Variants in RBFOX1 observed in about 807,000 individuals in gnomAD.
RBFOX1 encodes RNA binding fox-1 homolog 1.
In RBFOX1, 8 loss-of-function variants were observed where a neutral mutation model predicts 57.7. The observed-to-expected ratio is 0.14, with a 90% confidence interval of 0.08 to 0.25. RBFOX1 has a LOEUF of 0.25. Ranked by LOEUF, RBFOX1 falls within the 10% of genes least tolerant of loss-of-function variation. The probability of loss-of-function intolerance (pLI) is 1.00; values close to 1 mark genes in which losing one functional copy is unlikely to be tolerated. For synonymous variants in RBFOX1, 326 were observed against 222.4 expected, an observed-to-expected ratio of 1.47 and a Z score of -4.15; for missense variants, 611 against 548.5, an observed-to-expected ratio of 1.11 and a Z score of -1.14.
chr16:6,352,814 A>G (rs2086644051), intron 2 of RBFOX1, among the ~76,000 whole-genome samples: 1 of 152,332 alleles, frequency 6.6e-6, no homozygotes, highest in South Asian at 2.1e-4. Context: ...TTTCCAGGCA[A>G]TCATGGTACA....
At chr16:7,228,154 G>A (rs904473084) in intron 4 of RBFOX1, among the ~76,000 whole-genome samples, 23 of 152,202 alleles carry the variant, frequency 1.5e-4, no homozygotes, top group African/African-American at 5.1e-4. Context: ...TGTAAGTTCC[G>A]CGAGAGCAGG....
At chr16:6,543,291 C>T (rs186738460) in intron 2 of RBFOX1, among the ~76,000 whole-genome samples, 56 of 152,188 alleles carry the variant, frequency 3.7e-4, no homozygotes, top group African/African-American at 1.3e-3. Flanking sequence ...GGAATTGGAA[C>T]AGTTGCCCCT....
At chr16:6,676,794 G>C (rs971180096) in intron 3 of RBFOX1, among the ~76,000 whole-genome samples, 9 of 149,852 alleles carry the variant, frequency 6.0e-5, no homozygotes, top group African/African-American at 2.0e-4. Flanking sequence ...TCCTGCCTCA[G>C]CCTCCCTAGT....
At chr16:6,596,951 T>C (rs1370498329) in intron 2 of RBFOX1, among the ~76,000 whole-genome samples, 1 of 152,186 alleles carries the variant, frequency 6.6e-6, no homozygotes, top group Non-Finnish European at 1.5e-5. Context: ...GCCCCTGGTT[T>C]CTGCCACTAG....
intron 3 of RBFOX1, among the ~76,000 whole-genome samples, chr16:6,691,271 T>C (rs1333727477): frequency 6.6e-6 from 1 of 152,134 alleles, no homozygotes; most frequent in East Asian, 1.9e-4. Flanking sequence ...AGCATCTCGA[T>C]GTGTGCGTGC....
At chr16:5,785,537 C>A (rs1439130196) in intron 3 of RBFOX1, among the ~76,000 whole-genome samples, 1 of 150,224 alleles carries the variant, frequency 6.7e-6, no homozygotes, top group Admixed American at 6.6e-5. Flanking sequence ...CTTTCTTTTT[C>A]TTTTTTTGAG....
At chr16:6,786,116 G>C (rs2081918529) in intron 3 of RBFOX1, among the ~76,000 whole-genome samples, 1 of 152,200 alleles carries the variant, frequency 6.6e-6, no homozygotes, top group African/African-American at 2.4e-5. Context: ...TTTGGCAAAA[G>C]TCTGCATGAC....
At chr16:6,889,793 T>A (rs1040989403) in intron 3 of RBFOX1, among the ~76,000 whole-genome samples, 2 of 152,200 alleles carry the variant, frequency 1.3e-5, no homozygotes, top group African/African-American at 2.4e-5. Flanking sequence ...TGGGTGAGAT[T>A]TTAGGAGTTC....
intron 1 of RBFOX1, among the ~76,000 whole-genome samples, chr16:5,352,702 G>T (rs560082194): frequency 6.6e-6 from 1 of 152,246 alleles, no homozygotes; most frequent in African/African-American, 2.4e-5. Context: ...CAGCACTTTG[G>T]GAGGCCAAGG....
At chr16:5,469,800 A>G (rs920316519) in intron 2 of RBFOX1, among the ~76,000 whole-genome samples, 4 of 152,124 alleles carry the variant, frequency 2.6e-5, no homozygotes, top group Non-Finnish European at 5.9e-5. Flanking sequence ...ATTCAGCACA[A>G]TGTTTTTGAG....
intron 3 of RBFOX1, among the ~76,000 whole-genome samples, chr16:7,012,706 G>C (rs971708333): frequency 2.0e-5 from 3 of 152,188 alleles, no homozygotes; most frequent in African/African-American, 7.2e-5. Context: ...GGAGGCCAGA[G>C]TGACTTGCTT....
At position 6,685,238 on chromosome 16, in the gene RBFOX1, C is replaced by T. The variant is rs201245373; in HGVS notation, c.-16+30588C>T. Among the ~76,000 whole-genome samples, 7 of 148,470 alleles carry T rather than the reference C, an allele frequency of 4.7e-5. No individual in the cohort carries two copies. In the East Asian group the frequency reaches 5.9e-4, roughly 13 times the overall value. ...TAATCATTACACTGGCAATAAATGACTTCACGTAAGTGTACTAAGAGAGGG... is the reference window on the plus strand; with the variant it reads ...TAATCATTACACTGGCAATAAATGATTTCACGTAAGTGTACTAAGAGAGGG... On this transcript the variant is annotated intron_variant, in intron 3 of 15. Transcript: ENST00000550418.
intron 1 of RBFOX1, among the ~76,000 whole-genome samples, chr16:5,405,191 G>C (rs1044301709): frequency 6.6e-6 from 1 of 152,128 alleles, no homozygotes; most frequent in Admixed American, 6.5e-5. Context: ...CCAGGTGGGA[G>C]GGCCAGGACC....
chr16:6,351,043 G>A (rs1599936849), intron 2 of RBFOX1, among the ~76,000 whole-genome samples: 1 of 152,090 alleles, frequency 6.6e-6, no homozygotes, highest in East Asian at 1.9e-4. Context: ...TATCCTTTCA[G>A]TTTTCTCCTG....
intron 2 of RBFOX1, among the ~76,000 whole-genome samples, chr16:5,495,394 T>C (rs1447646542): frequency 6.6e-6 from 1 of 152,198 alleles, no homozygotes; most frequent in Non-Finnish European, 1.5e-5. Flanking sequence ...TCGGGAGAAC[T>C]TGCTCACTGT....
At chr16:6,383,549 C>T (rs188390139) in intron 2 of RBFOX1, among the ~76,000 whole-genome samples, 8 of 152,162 alleles carry the variant, frequency 5.3e-5, no homozygotes, top group Admixed American at 2.0e-4. Flanking sequence ...CTGAGGTGGG[C>T]GGATCACAAG....
intron 3 of RBFOX1, among the ~76,000 whole-genome samples, chr16:6,997,001 C>T (rs1214340697): frequency 3.9e-5 from 6 of 152,050 alleles, no homozygotes; most frequent in Admixed American, 1.3e-4. Flanking sequence ...CAGCTTTATA[C>T]ATATGTATAT....
intron 3 of RBFOX1, among the ~76,000 whole-genome samples, chr16:6,968,173 G>T (rs946463740): frequency 6.6e-6 from 1 of 152,140 alleles, no homozygotes; most frequent in Non-Finnish European, 1.5e-5. Context: ...CCCCCTCTCC[G>T]TGGGTGTCCT....
intron 3 of RBFOX1, among the ~76,000 whole-genome samples, chr16:5,664,095 T>C (rs2049752285): frequency 6.6e-6 from 1 of 152,238 alleles, no homozygotes; most frequent in Admixed American, 6.5e-5. Flanking sequence ...CAGCTGCCTC[T>C]AGGCGTGCCC....
Sources: gnomAD v4.1 joint callset for allele counts (sites outside exome capture counted in the v4.1 genomes callset) on GRCh38, gnomAD v4.1.1 for gene constraint, MANE v1.5 for transcripts, NCBI Gene and HGNC (gene_info 2026-07-23, HGNC 2026-07-21) for gene names.